GALNT17: variants seen among roughly 807,000 people sequenced by gnomAD.
GALNT17 encodes UDP-GalNAc:polypeptide N-acetylgalactosaminyltransferase-like 3.
GALNT17 carries 29 observed loss-of-function variants against 63.7 expected under a neutral mutation model. That is an observed-to-expected ratio of 0.46 (90% CI 0.34 to 0.62). The LOEUF is 0.62. GALNT17 is among the 20% of genes least tolerant of loss of function. GALNT17 has a pLI of 0.01. For synonymous variants in GALNT17, 305 were observed against 318.3 expected, an observed-to-expected ratio of 0.96 and a Z score of 0.45; for missense variants, 603 against 799.6, an observed-to-expected ratio of 0.75 and a Z score of 2.97.
intron 2 of GALNT17, among the ~76,000 whole-genome samples, chr7:71,374,379 C>T (rs548181174): frequency 2.6e-5 from 4 of 152,328 alleles, no homozygotes; most frequent in African/African-American, 2.4e-5. Context: ...GCAGCCAGAA[C>T]GGCTGGGCTC....
At chr7:71,166,940 A>AGT (rs1788451903) in intron 1 of GALNT17, among the ~76,000 whole-genome samples, 1 of 151,756 alleles carries the variant, frequency 6.6e-6, no homozygotes, top group Admixed American at 6.6e-5. Context: ...CTCAGGCTGG[A>AGT]GTACAGTGGC....
At position 71,552,551 on chromosome 7, in the gene GALNT17, C is replaced by T. The variant is rs114394462; in HGVS notation, c.963-18734C>T. On this transcript the variant is annotated intron_variant, in intron 5 of 10. Coordinates refer to ENST00000333538, the MANE Select transcript of GALNT17 (RefSeq NM_022479.3). ...TGCCTCCCAGGGTCAAGTAATTCTC[C>T]TGTCTCAGCCCCCCTCGTAGCTAGG... is the stretch of plus-strand genomic sequence containing the variant. Among the ~76,000 whole-genome samples, 1,482 of 151,876 alleles carry T rather than the reference C, an allele frequency of 9.8e-3. 23 individuals carry two copies. Among genetic ancestry groups the T allele is most frequent in the African/African-American group, 0.034 (1,408 of 41,384 alleles).
intron 3 of GALNT17, among the ~76,000 whole-genome samples, chr7:71,409,604 A>G (rs1793395072): frequency 6.6e-6 from 1 of 152,170 alleles, no homozygotes; most frequent in South Asian, 2.1e-4. Flanking sequence ...CAAGTCCTGG[A>G]CTGGGTGGCC....
At chr7:71,505,887 C>T (rs1245566268) in intron 5 of GALNT17, among the ~76,000 whole-genome samples, 3 of 152,166 alleles carry the variant, frequency 2.0e-5, no homozygotes, top group African/African-American at 7.2e-5. Context: ...CTCTGATTGT[C>T]CAGCCCAACA....
chr7:71,211,263 T>A (rs1302165198), intron 1 of GALNT17, among the ~76,000 whole-genome samples: 1 of 152,194 alleles, frequency 6.6e-6, no homozygotes, highest in African/African-American at 2.4e-5. Context: ...GTTCTCATGA[T>A]AGTGAATAAG....
intron 1 of GALNT17, among the ~76,000 whole-genome samples, chr7:71,299,188 C>T (rs187643389): frequency 6.6e-6 from 1 of 152,148 alleles, no homozygotes; most frequent in Non-Finnish European, 1.5e-5. Context: ...TGTGTGGGAC[C>T]AGCTGGTGGC....
At chr7:71,687,932 G>A (rs1230626035) in intron 9 of GALNT17, among the ~76,000 whole-genome samples, 3 of 152,000 alleles carry the variant, frequency 2.0e-5, no homozygotes, top group African/African-American at 7.2e-5. Context: ...TCCTAGGCTC[G>A]AGTGATTCTC....
intron 5 of GALNT17, among the ~76,000 whole-genome samples, chr7:71,455,849 TC>T (rs534054288): frequency 4.4e-4 from 67 of 152,168 alleles, no homozygotes; most frequent in Non-Finnish European, 8.2e-4. Context: ...CAAACTTTGG[TC>T]CCAGTACTTG....
At chr7:71,425,389 A>AT (rs1786741262) in intron 5 of GALNT17, among the ~76,000 whole-genome samples, 1 of 151,824 alleles carries the variant, frequency 6.6e-6, no homozygotes, top group Admixed American at 6.6e-5. Context: ...CGCCCAGCTA[A>AT]TTTTTTGTAT....
rs746286461 is a variant in GALNT17 at position 71,155,753 on chromosome 7, CA to C, written c.238+22714del. Among the ~76,000 whole-genome samples, 4 of 151,766 alleles carry C rather than the reference CA, an allele frequency of 2.6e-5. 1 individual carries two copies. Among genetic ancestry groups the C allele is most frequent in the East Asian group, 1.9e-4 (1 of 5,188 alleles). On this transcript the variant is annotated intron_variant, in intron 1 of 10. Coordinates refer to ENST00000333538, the MANE Select transcript of GALNT17 (RefSeq NM_022479.3). ...ACACATCCTGGAAACCTATAGAGTA[CA>C]TCATTCTCTGGAGATTTAAATAAGT...
chr7:71,503,831 C>A lies in GALNT17; in HGVS notation c.963-67454C>A, dbSNP rs571831383. Among the ~76,000 whole-genome samples, 19 of 152,232 alleles carry A rather than the reference C, an allele frequency of 1.2e-4. 1 individual carries two copies. In the South Asian group the frequency reaches 3.9e-3, roughly 32 times the overall value. On this transcript the variant is annotated intron_variant, in intron 5 of 10. Transcript: ENST00000333538. ...TTAATAAGGGCTGGGCACCGTGGCT[C>A]ACGCTTGTAATCCCAGCACTTTGAG... is the stretch of plus-strand genomic sequence containing the variant.
chr7:71,684,209 T>G (rs542437976), intron 9 of GALNT17, among the ~76,000 whole-genome samples: 1 of 152,078 alleles, frequency 6.6e-6, no homozygotes, highest in Non-Finnish European at 1.5e-5. Context: ...ACACTTTGGC[T>G]ACCCTGCACG....
intron 1 of GALNT17, among the ~76,000 whole-genome samples, chr7:71,267,319 T>C (rs1484958974): frequency 6.6e-6 from 1 of 152,194 alleles, no homozygotes; most frequent in Non-Finnish European, 1.5e-5. Context: ...GGAATGAGCC[T>C]TGGGGTTGAG....
intron 1 of GALNT17, among the ~76,000 whole-genome samples, chr7:71,297,169 G>A (rs1791097115): frequency 6.6e-6 from 1 of 152,104 alleles, no homozygotes; most frequent in African/African-American, 2.4e-5. Flanking sequence ...TCTCACTCTT[G>A]GCACATGGTA....
chr7:71,408,226 A>G (rs1215556519), intron 3 of GALNT17, among the ~76,000 whole-genome samples: 3 of 151,730 alleles, frequency 2.0e-5, no homozygotes, highest in Admixed American at 6.6e-5. Flanking sequence ...AGTGATTCTC[A>G]CTCTGGGAAT....
chr7:71,336,907 A>C (rs1791918736), intron 2 of GALNT17, among the ~76,000 whole-genome samples: 1 of 152,208 alleles, frequency 6.6e-6, no homozygotes, highest in African/African-American at 2.4e-5. Context: ...TTGCGGCTTC[A>C]CCAAATTGCT....
chr7:71,455,327 G>C (rs1477908771), intron 5 of GALNT17, among the ~76,000 whole-genome samples: 2 of 152,056 alleles, frequency 1.3e-5, no homozygotes, highest in Non-Finnish European at 2.9e-5. Flanking sequence ...CAGTTAGGGA[G>C]GGGGAGGTAT....
chr7:71,257,968 G>T (rs1310803423), intron 1 of GALNT17, among the ~76,000 whole-genome samples: 1 of 152,098 alleles, frequency 6.6e-6, no homozygotes, highest in Non-Finnish European at 1.5e-5. Flanking sequence ...CCTCTGCATT[G>T]GCCCTTTATG....
At chr7:71,278,520 C>T (rs117127135) in intron 1 of GALNT17, among the ~76,000 whole-genome samples, 1,600 of 152,288 alleles carry the variant, frequency 0.011, 15 homozygotes, top group Middle Eastern at 0.031. Context: ...TGACCTTTGT[C>T]GTAATATGTT....
Sources: allele counts gnomAD v4.1 joint callset (sites outside exome capture counted in the v4.1 genomes callset), GRCh38; gene constraint gnomAD v4.1.1; transcripts MANE v1.5; gene names NCBI Gene and HGNC (gene_info 2026-07-23, HGNC 2026-07-21).